ALMS1: variants seen among roughly 807,000 people sequenced by gnomAD.
ALMS1 encodes the protein centrosome-associated protein ALMS1.
Under a neutral mutation model 352.2 loss-of-function variants are expected in ALMS1, and 271 were observed. The observed-to-expected ratio is 0.77, with a 90% CI of 0.70 to 0.85. The LOEUF (loss-of-function observed/expected upper bound fraction) is 0.85. Among genes scored for constraint, ALMS1 ranks in the 40% least tolerant of loss-of-function variants. The pLI is 0.00. For missense variants in ALMS1, 5,445 were observed against 4,870.7 expected (o/e 1.12, Z -3.51); for synonymous variants, 1,865 against 1,761.2 (o/e 1.06, Z -1.48).
In ALMS1 at chr2:73,565,276, GAAA is replaced by G. The variant is rs1028571713; in HGVS notation, c.10384+6141_10384+6143del. On this transcript the variant is annotated intron_variant, in intron 15 of 22. Coordinates refer to ENST00000613296, the MANE Select transcript of ALMS1 (RefSeq NM_001378454.1). ...CCCTTTTGTGGTGCCAGAAAGTAAAGAAAAAAAAATGCACAGGGATGGGGAATA... is the reference window on the plus strand; with the variant it reads ...CCCTTTTGTGGTGCCAGAAAGTAAAGAAAAAATGCACAGGGATGGGGAATA... Among the ~76,000 whole-genome samples, 10 of 150,610 alleles carry G rather than the reference GAAA, an allele frequency of 6.6e-5. No homozygotes were observed. The East Asian group carries it at 1.9e-3, about 29-fold the overall frequency.
intron 10 of ALMS1, among the ~76,000 whole-genome samples, chr2:73,514,558 A>G (rs1053432883): frequency 2.6e-5 from 4 of 152,140 alleles, no homozygotes; most frequent in African/African-American, 9.7e-5. Context: ...TTCCATATAT[A>G]TGTATATAAG....
intron 10 of ALMS1, among the ~76,000 whole-genome samples, chr2:73,515,192 T>C (rs1264863673): frequency 2.6e-5 from 4 of 152,192 alleles, no homozygotes; most frequent in Non-Finnish European, 5.9e-5. Context: ...ACAGTGTCTA[T>C]TTGCTTCTAC....
intron 9 of ALMS1, chr2:73,457,057 A>T (rs1672080863): frequency 6.6e-6 from 1 of 152,144 alleles, no homozygotes; most frequent in African/African-American, 2.4e-5. Context: ...TCTTTCTGTC[A>T]ATGTACTGTG....
intron 5 of ALMS1, among the ~76,000 whole-genome samples, chr2:73,425,312 T>A (rs1372220767): frequency 6.6e-6 from 1 of 152,168 alleles, no homozygotes; most frequent in Non-Finnish European, 1.5e-5. Context: ...TAACGGAGAC[T>A]AGAAATAATT....
intron 13 of ALMS1, among the ~76,000 whole-genome samples, chr2:73,554,834 G>T (rs1674510777): frequency 1.3e-5 from 2 of 152,238 alleles, no homozygotes; most frequent in Admixed American, 1.3e-4. Flanking sequence ...AACTCTTTAT[G>T]TGCACGTTTT....
intron 12 of ALMS1, among the ~76,000 whole-genome samples, chr2:73,549,037 G>C (rs1674375580): frequency 6.6e-6 from 1 of 152,158 alleles, no homozygotes; most frequent in Non-Finnish European, 1.5e-5. Flanking sequence ...AAACTCTTCA[G>C]GGCTTACTGT....
intron 20 of ALMS1, 31 bp downstream of exon 20, chr2:73,602,399 T>C: frequency 1.9e-6 from 3 of 1,612,910 alleles, no homozygotes; most frequent in Non-Finnish European, 2.5e-6. Flanking sequence ...TTCCTGTGAG[T>C]GGAATAGAGA....
At position 73,450,547 on chromosome 2, in the gene ALMS1, T is replaced by C. The variant is rs1175672394; in HGVS notation, c.4020T>C (p.Pro1340=). ...CTTTCTACTCACACACAGAGAAGCC[T>C]GGTGTTTTCTACCAACAGGTCTTGC... The part of the protein sequence containing the change: ...PSTFYSHTEK[P]GVFYQQVLPH... The change falls in exon 8 of 23, where the codon CCT becomes CCC. Residue 1340 remains proline, a synonymous_variant. Transcript: ENST00000613296. The C allele has an allele frequency of 1.6e-5, 25 of 1,611,898 alleles. No homozygotes were observed. The East Asian group carries it at 5.6e-4, about 36-fold the overall frequency.
chr2:73,608,643 C>A (rs1316869232), intron 22 of ALMS1, 69 bp downstream of exon 22: 2 of 1,258,332 alleles, frequency 1.6e-6, no homozygotes, highest in Non-Finnish European at 2.3e-6. Context: ...GGAGAAAACA[C>A]GTTGCCTGTT....
intron 9 of ALMS1, 105 bp downstream of exon 9, chr2:73,455,400 A>G: frequency 2.7e-6 from 4 of 1,489,034 alleles, no homozygotes; most frequent in East Asian, 2.4e-5. Flanking sequence ...ATATTTGGCT[A>G]AAGCCTTTTT....
intron 14 of ALMS1, among the ~76,000 whole-genome samples, chr2:73,558,160 G>A (rs1417340264): frequency 1.3e-5 from 2 of 152,330 alleles, no homozygotes; most frequent in Middle Eastern, 3.4e-3. Flanking sequence ...GGGAAATTGA[G>A]TTGTTATTCT....
At chr2:73,480,107 G>A (rs1052658705) in intron 9 of ALMS1, among the ~76,000 whole-genome samples, 1 of 150,386 alleles carries the variant, frequency 6.6e-6, no homozygotes. Flanking sequence ...TTAAGTTTTA[G>A]GGTACATGTG....
chr2:73,444,054 G>A (rs888513644), intron 7 of ALMS1, among the ~76,000 whole-genome samples: 6 of 151,920 alleles, frequency 3.9e-5, no homozygotes, highest in Non-Finnish European at 8.8e-5. Flanking sequence ...TTTTATTGAC[G>A]CCCAGTCTTT....
In ALMS1 at chr2:73,450,110, A is replaced by C; in HGVS notation, c.3583A>C (p.Arg1195=). 6.2e-7 allele frequency: 1 copy of C among 1,614,076 alleles called. No homozygotes were observed. ...AGTACTTTCTACCTTCTACTCACAA[A>C]GAGAGAAACCTGGTATTTTCTATCA... is the stretch of plus-strand genomic sequence containing the variant. ...PRVLSTFYSQ[R]EKPGIFYQQT... Residue 1195 remains arginine, a synonymous_variant, in exon 8 of 23, where the codon AGA becomes CGA. Coordinates refer to ENST00000613296, the MANE Select transcript of ALMS1 (RefSeq NM_001378454.1).
At chr2:73,555,604 A>C (rs1348041488) in intron 13 of ALMS1, among the ~76,000 whole-genome samples, 1 of 152,204 alleles carries the variant, frequency 6.6e-6, no homozygotes, top group Non-Finnish European at 1.5e-5. Context: ...TATAATAAAT[A>C]TGCCATTATT....
At chr2:73,440,396 G>T (rs1416553324) in intron 7 of ALMS1, among the ~76,000 whole-genome samples, 1 of 152,042 alleles carries the variant, frequency 6.6e-6, no homozygotes, top group East Asian at 1.9e-4. Context: ...CTTTGAATTT[G>T]ACTCATCTTA....
At chr2:73,533,974 T>C (rs1316703945) in intron 11 of ALMS1, among the ~76,000 whole-genome samples, 1 of 152,224 alleles carries the variant, frequency 6.6e-6, no homozygotes, top group Non-Finnish European at 1.5e-5. Context: ...GGAAAATCTT[T>C]ATTCACAGAA....
chr2:73,510,685 C>G (rs554761183), intron 10 of ALMS1, among the ~76,000 whole-genome samples: 3 of 152,268 alleles, frequency 2.0e-5, no homozygotes, highest in African/African-American at 7.2e-5. Context: ...CCAGGAGGCA[C>G]GGGGGTCAGG....
intron 12 of ALMS1, among the ~76,000 whole-genome samples, chr2:73,542,964 C>T (rs1256785613): frequency 6.6e-6 from 1 of 152,088 alleles, no homozygotes; most frequent in Non-Finnish European, 1.5e-5. Flanking sequence ...GATTCAGTGC[C>T]ATCCCCATCA....
Sources: allele counts gnomAD v4.1 joint callset (sites outside exome capture counted in the v4.1 genomes callset), GRCh38; gene constraint gnomAD v4.1.1; transcripts MANE v1.5; gene names NCBI Gene and HGNC (gene_info 2026-07-23, HGNC 2026-07-21).